The following IL34 variants were observed in gnomAD, a reference collection of about 807,000 sequenced individuals.
The protein encoded by IL34 is interleukin 34, also known as interleukin-34.
In IL34, 17 loss-of-function variants were observed where a neutral mutation model predicts 25.3. The ratio of observed to expected loss-of-function variants is 0.67; its 90% confidence interval spans 0.46 to 1.01. The LOEUF is 1.01. Ranked by LOEUF, IL34 falls within the 50% of genes least tolerant of loss-of-function variation. IL34 has a pLI of 0.00. For missense variants in IL34, 368 were observed against 312.9 expected (o/e 1.18, Z -1.33); for synonymous variants, 174 against 140.9 (o/e 1.23, Z -1.66).
chr16:70,641,565 C>G (rs1356546062), upstream of IL34, among the ~76,000 whole-genome samples: 2 of 107,978 alleles, frequency 1.9e-5, no homozygotes, highest in Non-Finnish European at 3.6e-5. Flanking sequence ...GCCTTTCTTT[C>G]TTTTTTTTTT....
intron 4 of IL34, 69 bp downstream of exon 4, chr16:70,657,190 G>A (rs781678801): frequency 2.0e-6 from 3 of 1,511,672 alleles, no homozygotes; most frequent in Non-Finnish European, 2.7e-6. Flanking sequence ...TGTGTGAGGT[G>A]TGGCCAAAGG....
At chr16:70,616,671 G>C (rs1449625638) in intron 1 of IL34, among the ~76,000 whole-genome samples, 1 of 152,132 alleles carries the variant, frequency 6.6e-6, no homozygotes. Flanking sequence ...TGCGGGCAGG[G>C]GTGGATCTCA....
At chr16:70,587,809 C>T (rs779861480) in intron 1 of IL34, among the ~76,000 whole-genome samples, 3 of 151,372 alleles carry the variant, frequency 2.0e-5, no homozygotes, top group African/African-American at 4.9e-5. Context: ...GAGGCCGAGG[C>T]GAGCAGATCA....
chr16:70,638,154 AACCAGAGGG>A (rs2051697801), intron 1 of IL34, among the ~76,000 whole-genome samples: 1 of 152,172 alleles, frequency 6.6e-6, no homozygotes, highest in Non-Finnish European at 1.5e-5. Context: ...CCCTGCTTCC[AACCAGAGGG>A]AGCTCTCTGG....
chr16:70,612,408 CA>C (rs1438356156), intron 1 of IL34, among the ~76,000 whole-genome samples: 1 of 151,994 alleles, frequency 6.6e-6, no homozygotes, highest in Non-Finnish European at 1.5e-5. Context: ...GTGCAGAGGC[CA>C]AGGCCCAAGC....
At chr16:70,593,624 C>T (rs539455360) in intron 1 of IL34, among the ~76,000 whole-genome samples, 16 of 152,228 alleles carry the variant, frequency 1.1e-4, no homozygotes, top group Non-Finnish European at 1.9e-4. Context: ...TCAAGTGATC[C>T]TCCCACCTCA....
At chr16:70,647,246 G>T (rs974223565) in intron 1 of IL34, among the ~76,000 whole-genome samples, 6 of 152,334 alleles carry the variant, frequency 3.9e-5, no homozygotes, top group African/African-American at 7.2e-5. Flanking sequence ...ACTGGGGGTA[G>T]GTGGCAGCAT....
intron 4 of IL34, among the ~76,000 whole-genome samples, chr16:70,658,420 C>T (rs1414094564): frequency 6.6e-6 from 1 of 152,088 alleles, no homozygotes; most frequent in African/African-American, 2.4e-5. Flanking sequence ...GATCTTTCTG[C>T]CTCAGCCTCC....
chr16:70,591,837 C>G (rs1045269868), intron 1 of IL34, among the ~76,000 whole-genome samples: 5 of 152,210 alleles, frequency 3.3e-5, no homozygotes, highest in South Asian at 4.1e-4. Context: ...CTCCCTTCCC[C>G]CTGCTGTTGC....
At chr16:70,640,204 C>T (rs565986378) in intron 1 of IL34, among the ~76,000 whole-genome samples, 1 of 152,034 alleles carries the variant, frequency 6.6e-6, no homozygotes, top group African/African-American at 2.4e-5. Context: ...TGCAGTGGTG[C>T]CATCGTGGCT....
intron 1 of IL34, among the ~76,000 whole-genome samples, chr16:70,632,831 G>T (rs1281360628): frequency 1.3e-5 from 2 of 152,048 alleles, no homozygotes; most frequent in South Asian, 4.1e-4. Context: ...TCTTTTGGGG[G>T]TTTTGTCTTA....
intron 1 of IL34, among the ~76,000 whole-genome samples, chr16:70,631,961 T>G (rs1206167603): frequency 6.6e-6 from 1 of 151,578 alleles, no homozygotes; most frequent in Non-Finnish European, 1.5e-5. Flanking sequence ...ATTAGCTGAG[T>G]GTGCTGTTGT....
At chr16:70,603,053 C>T (rs1048022334) in intron 1 of IL34, among the ~76,000 whole-genome samples, 20 of 151,976 alleles carry the variant, frequency 1.3e-4, no homozygotes, top group Non-Finnish European at 4.4e-5. Flanking sequence ...TTAGTTTTTC[C>T]GTGAGCATCT....
At chr16:70,655,476 C>T (rs572807014) in intron 2 of IL34, among the ~76,000 whole-genome samples, 1 of 152,096 alleles carries the variant, frequency 6.6e-6, no homozygotes, top group East Asian at 1.9e-4. Context: ...CAACCTCCAC[C>T]TCCAAGGCTC....
At chr16:70,633,335 C>T (rs1424125597) in intron 1 of IL34, among the ~76,000 whole-genome samples, 1 of 151,744 alleles carries the variant, frequency 6.6e-6, no homozygotes, top group African/African-American at 2.4e-5. Context: ...CTCACTGCAG[C>T]TTTGACCTCC....
At chr16:70,623,145 G>A (rs2051316269) in intron 1 of IL34, among the ~76,000 whole-genome samples, 1 of 152,050 alleles carries the variant, frequency 6.6e-6, no homozygotes, top group South Asian at 2.1e-4. Flanking sequence ...AGTAATGGGG[G>A]CTGTCTGTGA....
chr16:70,587,150 G>A (rs1444494357), intron 1 of IL34, among the ~76,000 whole-genome samples: 1 of 152,136 alleles, frequency 6.6e-6, no homozygotes, highest in African/African-American at 2.4e-5. Context: ...CCCTAGCCAG[G>A]CCCTGGGTGG....
chr16:70,634,060 A>G (rs749684754), intron 1 of IL34, among the ~76,000 whole-genome samples: 4 of 151,868 alleles, frequency 2.6e-5, no homozygotes, highest in Non-Finnish European at 5.9e-5. Context: ...CATGTTGGCC[A>G]GGCTAGTCTC....
chr16:70,639,122 G>T (rs749207416), intron 1 of IL34, among the ~76,000 whole-genome samples: 1 of 152,202 alleles, frequency 6.6e-6, no homozygotes, highest in Non-Finnish European at 1.5e-5. Context: ...ATGCCCTTGG[G>T]ATATGGTGTG....
Sources: allele counts gnomAD v4.1 joint callset (sites outside exome capture counted in the v4.1 genomes callset), GRCh38; gene constraint gnomAD v4.1.1; transcripts MANE v1.5; gene names NCBI Gene and HGNC (gene_info 2026-07-23, HGNC 2026-07-21).